PTPRR: variants seen among roughly 807,000 people sequenced by gnomAD.
The protein encoded by PTPRR is protein tyrosine phosphatase receptor type R.
PTPRR carries 38 observed loss-of-function variants against 77.2 expected under a neutral mutation model. The observed-to-expected ratio is 0.49, with a 90% CI of 0.38 to 0.65. The LOEUF (loss-of-function observed/expected upper bound fraction) is 0.65. Ranked by LOEUF, PTPRR falls within the 30% of genes least tolerant of loss-of-function variation. The pLI, the probability that PTPRR is intolerant of heterozygous loss-of-function variation, is 0.00. For missense variants in PTPRR, 744 were observed against 799.2 expected (o/e 0.93, Z 0.83); for synonymous variants, 299 against 283.1 (o/e 1.06, Z -0.57).
At chr12:70,777,944 T>A (rs1468187682) in intron 2 of PTPRR, among the ~76,000 whole-genome samples, 8 of 152,234 alleles carry the variant, frequency 5.3e-5, no homozygotes. Flanking sequence ...TTTCTACAGT[T>A]CTATAGTGAT....
At chr12:70,646,354 C>T (rs1886198890) in intron 13 of PTPRR, among the ~76,000 whole-genome samples, 1 of 152,174 alleles carries the variant, frequency 6.6e-6, no homozygotes, top group African/African-American at 2.4e-5. Context: ...GTATTTTGAA[C>T]ATAGACACCT....
chr12:70,672,412 A>C, intron 10 of PTPRR: 1 of 1,178,962 alleles, frequency 8.5e-7, no homozygotes, highest in Non-Finnish European at 1.3e-6. Flanking sequence ...AGCTGTGGTC[A>C]TTGGAAAGAA....
chr12:70,732,670 AC>A (rs1889703448), intron 6 of PTPRR, among the ~76,000 whole-genome samples: 2 of 152,034 alleles, frequency 1.3e-5, no homozygotes, highest in South Asian at 4.1e-4. Flanking sequence ...AAGCAATTAT[AC>A]TGCCTCAGCC....
At position 70,856,753 on chromosome 12, in the gene PTPRR, G is replaced by A. The variant is rs1217767147; in HGVS notation, c.357+35926C>T. 1.6e-4 allele frequency among the ~76,000 whole-genome samples: 24 copies of A among 151,382 alleles called. No homozygotes were observed. In the Admixed American group the frequency reaches 1.6e-3, roughly 10 times the overall value. On this transcript the variant is annotated intron_variant, in intron 2 of 13. Coordinates refer to ENST00000283228, the MANE Select transcript of PTPRR (RefSeq NM_002849.4). ...GAGTATATCAGTTAGAATTATTTAG[G>A]GTTGGTGTTTGATTTGACTTAGAAA... is the stretch of plus-strand genomic sequence containing the variant.
intron 11 of PTPRR, among the ~76,000 whole-genome samples, chr12:70,661,909 T>TCA (rs1160925372): frequency 6.6e-6 from 1 of 152,182 alleles, no homozygotes; most frequent in East Asian, 1.9e-4. Flanking sequence ...AATTTTTGGG[T>TCA]GATTATTCTC....
intron 1 of PTPRR, among the ~76,000 whole-genome samples, chr12:70,913,407 G>C (rs907967965): frequency 5.9e-5 from 9 of 152,106 alleles, no homozygotes; most frequent in Non-Finnish European, 1.0e-4. Flanking sequence ...ACCTGATTTT[G>C]AATGTGTAAA....
At chr12:70,780,817 A>G (rs1478965034) in intron 2 of PTPRR, among the ~76,000 whole-genome samples, 1 of 152,206 alleles carries the variant, frequency 6.6e-6, no homozygotes, top group African/African-American at 2.4e-5. Flanking sequence ...TAGAAGAGGA[A>G]AAGTGACTTG....
chr12:70,785,104 C>T (rs762531073), intron 2 of PTPRR, among the ~76,000 whole-genome samples: 1 of 152,198 alleles, frequency 6.6e-6, no homozygotes, highest in African/African-American at 2.4e-5. Context: ...ATTCACTCTC[C>T]ATCCTGTCCC....
At chr12:70,672,658 A>C (rs1273041108) in intron 10 of PTPRR, 2 of 1,544,640 alleles carry the variant, frequency 1.3e-6, no homozygotes, top group African/African-American at 2.7e-5. Flanking sequence ...CCAGAGCAAC[A>C]ACACCAACCA....
intron 7 of PTPRR, among the ~76,000 whole-genome samples, chr12:70,699,830 C>T (rs1253911040): frequency 6.6e-6 from 1 of 152,192 alleles, no homozygotes; most frequent in African/African-American, 2.4e-5. Context: ...AAGGTAATAT[C>T]TTTATTCCTC....
chr12:70,914,029 A>T (rs35303972), intron 1 of PTPRR, among the ~76,000 whole-genome samples: 24,149 of 152,072 alleles, frequency 0.16, 2,132 homozygotes, highest in African/African-American at 0.23. Flanking sequence ...AGGGAAATGT[A>T]GGAGAGCTAC....
At chr12:70,758,073 G>A (rs968147196) in intron 4 of PTPRR, among the ~76,000 whole-genome samples, 1 of 152,102 alleles carries the variant, frequency 6.6e-6, no homozygotes, top group Admixed American at 6.6e-5. Flanking sequence ...GTAATGCCTG[G>A]CCCCTTCTAG....
Position 70,660,969 on chromosome 12 carries a change from C to T in PTPRR, c.1737G>A (p.Gln579=), listed in dbSNP as rs368770994. Residue 579 remains glutamine, a synonymous_variant, in exon 12 of 14, where the codon CAG becomes CAA. Coordinates refer to ENST00000283228, the MANE Select transcript of PTPRR (RefSeq NM_002849.4). ...LDVEEDRLAS[Q]GRGPVVVHCS... ...AGTGGACAACCACAGGCCCTCGGCCCTGGGAAGCAAGTCTGTCTTCTTCTA... is the reference window on the plus strand; with the variant it reads ...AGTGGACAACCACAGGCCCTCGGCCTTGGGAAGCAAGTCTGTCTTCTTCTA... 247 of 1,613,704 alleles carry T rather than the reference C, an allele frequency of 1.5e-4. No individual in the cohort carries two copies. The highest frequency in any genetic ancestry group is 2.0e-4 in the Non-Finnish European group (238 of 1,179,896).
intron 6 of PTPRR, among the ~76,000 whole-genome samples, chr12:70,731,354 CTACACAATGTTCAAA>C (rs1214774237): frequency 6.6e-6 from 1 of 152,152 alleles, no homozygotes; most frequent in African/African-American, 2.4e-5. Context: ...AGTCACCCCT[CTACACAATGTTCAAA>C]GATGAGGAAG....
At chr12:70,739,454 G>T (rs73341043) in intron 6 of PTPRR, among the ~76,000 whole-genome samples, 2 of 152,124 alleles carry the variant, frequency 1.3e-5, no homozygotes, top group Non-Finnish European at 2.9e-5. Flanking sequence ...TTAAGCTATT[G>T]GTTCTTATGG....
At chr12:70,724,813 A>G (rs983311941) in intron 6 of PTPRR, among the ~76,000 whole-genome samples, 2 of 150,964 alleles carry the variant, frequency 1.3e-5, no homozygotes, top group Non-Finnish European at 2.9e-5. Flanking sequence ...ATATATATAT[A>G]CACACACACA....
intron 8 of PTPRR, among the ~76,000 whole-genome samples, chr12:70,688,072 A>C (rs1451343184): frequency 6.6e-6 from 1 of 152,174 alleles, no homozygotes; most frequent in Non-Finnish European, 1.5e-5. Flanking sequence ...CACTTGCATG[A>C]GCCATTTTCA....
chr12:70,678,715 C>T (rs1887542917), intron 10 of PTPRR, among the ~76,000 whole-genome samples: 1 of 151,782 alleles, frequency 6.6e-6, no homozygotes, highest in Non-Finnish European at 1.5e-5. Flanking sequence ...TCTCTGTCTC[C>T]CAACTGCCCA....
chr12:70,854,093 A>G (rs1892614829), intron 2 of PTPRR, among the ~76,000 whole-genome samples: 1 of 152,186 alleles, frequency 6.6e-6, no homozygotes, highest in Non-Finnish European at 1.5e-5. Flanking sequence ...CTAAAATTGC[A>G]TGCCAGCAAG....
Sources: gnomAD v4.1 joint callset for allele counts (sites outside exome capture counted in the v4.1 genomes callset) on GRCh38, gnomAD v4.1.1 for gene constraint, MANE v1.5 for transcripts, NCBI Gene and HGNC (gene_info 2026-07-23, HGNC 2026-07-21) for gene names.